PCDH17: variants seen among roughly 807,000 people sequenced by gnomAD.
The protein encoded by PCDH17 is protocadherin 17, also known as protocadherin-17.
PCDH17 carries 21 observed loss-of-function variants against 67.7 expected under a neutral mutation model. The ratio of observed to expected loss-of-function variants is 0.31; its 90% CI spans 0.22 to 0.45. The LOEUF is 0.45. Among genes scored for constraint, PCDH17 ranks in the 20% least tolerant of loss-of-function variants. PCDH17 has a pLI of 1.00. For synonymous variants in PCDH17, 701 were observed against 656.7 expected, an observed-to-expected ratio of 1.07 and a Z score of -1.03; for missense variants, 1,471 against 1,564.8, an observed-to-expected ratio of 0.94 and a Z score of 1.01.
chr13:57,684,411 A>G (rs1566234633), intron 3 of PCDH17, among the ~76,000 whole-genome samples: 1 of 151,920 alleles, frequency 6.6e-6, no homozygotes, highest in Non-Finnish European at 1.5e-5. Flanking sequence ...TAAAAATTAC[A>G]CCTAGCCTAC....
chr13:57,676,125 G>A (rs187219284), intron 3 of PCDH17, among the ~76,000 whole-genome samples: 20 of 151,892 alleles, frequency 1.3e-4, no homozygotes, highest in African/African-American at 4.8e-4. Flanking sequence ...TTAATGTTAT[G>A]TATGTGTTAA....
chr13:57,722,211 C>T (rs530220223), intron 3 of PCDH17, among the ~76,000 whole-genome samples: 113 of 152,246 alleles, frequency 7.4e-4, no homozygotes, highest in African/African-American at 2.5e-3. Flanking sequence ...CACTTTCATA[C>T]GTCTGCATTA....
chr13:57,651,442 A>G (rs1037923066), intron 1 of PCDH17, among the ~76,000 whole-genome samples: 3 of 146,068 alleles, frequency 2.1e-5, no homozygotes, highest in South Asian at 2.1e-4. Context: ...GCTCATTGCA[A>G]TCCTTTCACA....
Position 57,729,188 on chromosome 13 carries a change from A to G in PCDH17, c.*3894A>G, listed in dbSNP as rs1955935007. 6.6e-6 allele frequency: 1 copy of G among 152,170 alleles called. No homozygotes were observed. Among genetic ancestry groups the G allele is most frequent in the South Asian group, 2.1e-4 (1 of 4,834 alleles). The allele number at this position is 152,170 out of a possible 1,614,324, so 9.4% of individuals were successfully genotyped here. On this transcript the variant is annotated 3_prime_UTR_variant, in exon 4 of 4. Transcript: ENST00000377918. ...TCTTAGCTGCACCAAGTGATTGGTG[A>G]ACAAGGACAACAACAAAAGCAGCAT...
At chr13:57,702,555 A>G (rs1019817840) in intron 3 of PCDH17, among the ~76,000 whole-genome samples, 7 of 152,242 alleles carry the variant, frequency 4.6e-5, no homozygotes, top group East Asian at 1.9e-4. Context: ...CCCTTCCCCA[A>G]TGTTCTAACT....
rs1395449980 is a variant in PCDH17 at position 57,728,624 on chromosome 13, A to G, written c.*3330A>G. On this transcript the variant is annotated 3_prime_UTR_variant, in exon 4 of 4. Transcript: ENST00000377918. ...ATACCAAAGTAAACATTAAAGAGAC[A>G]TATCATGCAATTTCAAAGAATTCTT... 6.6e-6 allele frequency: 1 copy of G among 151,960 alleles called. No individual in the cohort carries two copies. The highest frequency in any genetic ancestry group is 1.5e-5 in the Non-Finnish European group (1 of 67,950). The allele number at this position is 151,960 out of a possible 1,614,324, so 9.4% of individuals were successfully genotyped here.
At chr13:57,718,144 A>G (rs930936423) in intron 3 of PCDH17, among the ~76,000 whole-genome samples, 3 of 152,216 alleles carry the variant, frequency 2.0e-5, no homozygotes, top group Admixed American at 6.6e-5. Flanking sequence ...ATACAATGCT[A>G]TAGAAGAATA....
chr13:57,633,776 C>A lies in PCDH17; in HGVS notation c.1230C>A (p.Val410=), dbSNP rs1214898758. 2.5e-6 allele frequency: 4 copies of A among 1,600,220 alleles called. 1 individual carries two copies. The East Asian group carries it at 6.7e-5, about 27-fold the overall frequency. Residue 410 remains valine (V), a synonymous_variant, in exon 1 of 4, where the codon GTC becomes GTA. Transcript: ENST00000377918. The surrounding 1 kb of genome is among the most constrained non-coding windows in gnomAD (Gnocchi z 6.2). ...GCCTGGGCGGGCCCGGGGGTTCCGT[C>A]CCCTTCAAGCTTGAGGAGAACTACG... ...GGGLGGPGGS[V]PFKLEENYDN...
chr13:57,673,688 GA>G lies in PCDH17; in HGVS notation c.2797+6864del, dbSNP rs960631517. ...AGAAACTGTTGAATATTTAACACCA[GA>G]AAAAAAAATTACTTAGAAATGTTTA... On this transcript the variant is annotated intron_variant, in intron 3 of 3. Coordinates refer to ENST00000377918, the MANE Select transcript of PCDH17 (RefSeq NM_001040429.3). Among the ~76,000 whole-genome samples the G allele has an allele frequency of 2.3e-3, 350 of 151,216 alleles. 4 individuals are homozygous for G. The highest frequency in any genetic ancestry group is 6.9e-3 in the African/African-American group (285 of 41,310).
intron 3 of PCDH17, among the ~76,000 whole-genome samples, chr13:57,688,882 C>A (rs1175723116): frequency 6.6e-6 from 1 of 152,006 alleles, no homozygotes; most frequent in African/African-American, 2.4e-5. Flanking sequence ...AGTGTATATA[C>A]AAACATATGG....
intron 1 of PCDH17, among the ~76,000 whole-genome samples, chr13:57,645,206 A>C (rs1313381956): frequency 6.6e-6 from 1 of 151,724 alleles, no homozygotes; most frequent in African/African-American, 2.4e-5. Context: ...TTAACTCTCT[A>C]TGAGTAAGAT....
At chr13:57,681,521 C>T (rs1355587083) in intron 3 of PCDH17, among the ~76,000 whole-genome samples, 2 of 151,680 alleles carry the variant, frequency 1.3e-5, no homozygotes, top group Admixed American at 6.6e-5. Context: ...AGATTACTTA[C>T]CTTTACCCAG....
intron 3 of PCDH17, among the ~76,000 whole-genome samples, chr13:57,693,753 G>T (rs1481246316): frequency 6.6e-6 from 1 of 150,704 alleles, no homozygotes; most frequent in Non-Finnish European, 1.5e-5. Flanking sequence ...GTCTTTTAAA[G>T]TTATTTTTCT....
intron 1 of PCDH17, among the ~76,000 whole-genome samples, chr13:57,659,131 G>GTGTGTA (rs1555284149): frequency 0.018 from 2,711 of 150,660 alleles, 87 homozygotes; most frequent in African/African-American, 0.059. Flanking sequence ...GTGTGTGTGT[G>GTGTGTA]TATACACACA....
Position 57,724,917 on chromosome 13 carries a change from G to A in PCDH17, c.3103G>A (p.Ala1035Thr). Reference protein sequence around the residue: ...LSPLLQEVPSASSSPTKACIE... With the variant: ...LSPLLQEVPSTSSSPTKACIE... ...CCCTCTCCTCCAAGAGGTCCCCTCA[G>A]CATCAAGCAGCCCAACCAAGGCGTG... The change falls in exon 4 of 4, where the codon GCA becomes ACA. Residue 1035 changes from alanine (A) to threonine (T), a missense_variant. Physicochemically the swap from Ala to Thr is moderately conservative, Grantham distance 58 (BLOSUM62 0). Around this residue, in one of 3 missense-constraint regions of PCDH17, gnomAD observed 297 missense variants for 298.6 expected, o/e 0.99. Coordinates refer to ENST00000377918, the MANE Select transcript of PCDH17 (RefSeq NM_001040429.3). The A allele has an allele frequency of 6.2e-7, 1 of 1,614,146 alleles. No individual in the cohort carries two copies. Among genetic ancestry groups the A allele is most frequent in the South Asian group, 1.1e-5 (1 of 91,086 alleles).
intron 3 of PCDH17, among the ~76,000 whole-genome samples, chr13:57,719,518 G>T (rs185345065): frequency 9.9e-5 from 15 of 152,018 alleles, no homozygotes; most frequent in South Asian, 2.1e-4. Flanking sequence ...CTATATGTAC[G>T]TTTTCAGGTG....
Position 57,634,850 on chromosome 13 carries a change from G to T in PCDH17, c.2304G>T (p.Met768Ile). 1.9e-6 allele frequency: 3 copies of T among 1,614,124 alleles called. No homozygotes were observed. The highest frequency in any genetic ancestry group is 2.5e-6 in the Non-Finnish European group (3 of 1,180,030). ...KKKKINKNDI[M>I]LVQSEVEERN... Reference sequence around the variant, plus strand: ...AGAAGATCAACAAAAATGATATCATGCTGGTGCAGAGCGAAGTGGAGGAGA... The same window carrying T: ...AGAAGATCAACAAAAATGATATCATTCTGGTGCAGAGCGAAGTGGAGGAGA... The change falls in exon 1 of 4, where the codon ATG (methionine) becomes ATT (isoleucine). Residue 768 changes from methionine to isoleucine, a missense_variant. Transcript: ENST00000377918. This position sits in a 1 kb window ranked among gnomAD's most constrained non-coding sequence, Gnocchi z 7.8.
chr13:57,684,333 AAC>A (rs1045755920), intron 3 of PCDH17, among the ~76,000 whole-genome samples: 3 of 151,906 alleles, frequency 2.0e-5, no homozygotes, highest in Admixed American at 6.6e-5. Flanking sequence ...CATATATATA[AAC>A]ACACATTATT....
chr13:57,669,882 G>T (rs1955299221), intron 3 of PCDH17, among the ~76,000 whole-genome samples: 1 of 151,994 alleles, frequency 6.6e-6, no homozygotes, highest in Admixed American at 6.6e-5. Context: ...ACCAGTTAAT[G>T]TGTGCAAACC....
Sources: gnomAD v4.1 joint callset for allele counts (sites outside exome capture counted in the v4.1 genomes callset) on GRCh38, gnomAD v4.1.1 for gene constraint, gnomAD v4.1.1 regional missense constraint, Gnocchi (gnomAD v3.1) non-coding constraint, MANE v1.5 for transcripts, NCBI Gene and HGNC (gene_info 2026-07-23, HGNC 2026-07-21) for gene names.